SLC2A9: variants seen among roughly 807,000 people sequenced by gnomAD.
SLC2A9 encodes the protein solute carrier family 2 member 9, also known as solute carrier family 2, facilitated glucose transporter member 9.
SLC2A9 carries 39 observed loss-of-function variants against 50.6 expected under a neutral mutation model. The ratio of observed to expected loss-of-function variants is 0.77; its 90% confidence interval spans 0.60 to 1.01. The LOEUF is 1.01. Ranked by LOEUF, SLC2A9 falls within the 50% of genes least tolerant of loss-of-function variation. SLC2A9 has a pLI of 0.00. For missense variants in SLC2A9, 686 were observed against 677.6 expected (o/e 1.01, Z -0.14); for synonymous variants, 324 against 276.9 (o/e 1.17, Z -1.69).
chr4:9,889,084 A>G (rs1107710), intron 9 of SLC2A9, among the ~76,000 whole-genome samples: 37,789 of 152,172 alleles, frequency 0.25, 5,183 homozygotes, highest in Admixed American at 0.36. Context: ...ATGGTATGTG[A>G]TAAGTGATCT....
At chr4:9,873,848 C>A (rs139877742) in intron 10 of SLC2A9, among the ~76,000 whole-genome samples, 2 of 152,178 alleles carry the variant, frequency 1.3e-5, no homozygotes, top group African/African-American at 2.4e-5. Flanking sequence ...CATAGCTAAC[C>A]GATACAAATT....
chr4:9,797,217 C>T (rs1165524195), downstream of SLC2A9, among the ~76,000 whole-genome samples: 3 of 152,222 alleles, frequency 2.0e-5, no homozygotes, highest in Admixed American at 1.3e-4. Context: ...CCCAGGACAA[C>T]TTAACCTCTC....
At chr4:9,827,717 C>A (rs1242603242) in intron 11 of SLC2A9, among the ~76,000 whole-genome samples, 1 of 152,180 alleles carries the variant, frequency 6.6e-6, no homozygotes, top group East Asian at 1.9e-4. Flanking sequence ...TAAAGTGCCA[C>A]ATGCAGTAAA....
chr4:9,855,085 A>T (rs149796904), intron 10 of SLC2A9, among the ~76,000 whole-genome samples: 182 of 152,276 alleles, frequency 1.2e-3, no homozygotes, highest in Non-Finnish European at 2.0e-3. Context: ...CTCCTATTCA[A>T]CATAGTACTG....
intron 6 of SLC2A9, among the ~76,000 whole-genome samples, chr4:9,922,209 A>C (rs1744066131): frequency 6.6e-6 from 1 of 152,164 alleles, no homozygotes; most frequent in South Asian, 2.1e-4. Context: ...TCAGCAAACT[A>C]ACGCCGGAAC....
Position 9,826,483 on chromosome 4 carries a change from C to T in SLC2A9, c.1537G>A (p.Ala513Thr), listed in dbSNP as rs753536918. Reference sequence around the variant, plus strand: ...TATGCTTTGTTCCTTTTGGAAAATGCCTGGCTGATTTCTGCATAGGTTCTG... The same window carrying T: ...TATGCTTTGTTCCTTTTGGAAAATGTCTGGCTGATTTCTGCATAGGTTCTG... The part of the protein sequence containing the change: ...KNRTYAEISQ[A>T]FSKRNKAYPP... The change falls in exon 12 of 12, where the codon GCA (alanine) becomes ACA (threonine). Residue 513 changes from alanine (A) to threonine (T), a missense_variant. Physicochemically the swap from Ala to Thr is moderately conservative, Grantham distance 58. Transcript: ENST00000264784. 6.2e-7 allele frequency: 1 copy of T among 1,613,942 alleles called. No homozygotes were observed. Among genetic ancestry groups the T allele is most frequent in the Non-Finnish European group, 8.5e-7 (1 of 1,179,932 alleles).
At chr4:9,787,318 A>G (rs930432242) in intron 3 of SLC2A9, among the ~76,000 whole-genome samples, 2 of 152,206 alleles carry the variant, frequency 1.3e-5, no homozygotes, top group Non-Finnish European at 2.9e-5. Flanking sequence ...AGTGCCAAAG[A>G]ATTTGCAGAA....
At chr4:9,825,385 A>G (rs1724970912), downstream of SLC2A9, among the ~76,000 whole-genome samples, 1 of 152,184 alleles carries the variant, frequency 6.6e-6, no homozygotes, top group Non-Finnish European at 1.5e-5. Flanking sequence ...TCTTCCCTTG[A>G]GCACTTTGAG....
At chr4:9,815,719 C>G (rs536544166) in intron 3 of SLC2A9, among the ~76,000 whole-genome samples, 1 of 152,270 alleles carries the variant, frequency 6.6e-6, no homozygotes, top group African/African-American at 2.4e-5. Context: ...AGTCAGCCAT[C>G]TTGGGATTCT....
intron 10 of SLC2A9, among the ~76,000 whole-genome samples, chr4:9,871,737 A>T (rs1341791162): frequency 6.6e-6 from 1 of 152,230 alleles, no homozygotes; most frequent in East Asian, 1.9e-4. Flanking sequence ...TCAACCCATT[A>T]CAGTAGCTAA....
At chr4:9,773,861 C>T (rs1717167827) in intron 1 of SLC2A9, among the ~76,000 whole-genome samples, 1 of 152,208 alleles carries the variant, frequency 6.6e-6, no homozygotes, top group Non-Finnish European at 1.5e-5. Flanking sequence ...AGACAAGCAG[C>T]TCATGGAGCC....
chr4:10,002,681 C>T (rs188668624), intron 2 of SLC2A9, among the ~76,000 whole-genome samples: 184 of 152,204 alleles, frequency 1.2e-3, no homozygotes, highest in Non-Finnish European at 1.7e-3. Flanking sequence ...GGTGAAACCC[C>T]ATCTCTACTA....
At chr4:9,782,884 C>T (rs201697048) in intron 3 of SLC2A9, 7 of 1,613,824 alleles carry the variant, frequency 4.3e-6, no homozygotes, top group East Asian at 2.2e-5. Context: ...CCAGCCTGCG[C>T]GCTTCCATCA....
At chr4:10,024,015 T>C (rs879188943), upstream of SLC2A9, among the ~76,000 whole-genome samples, 3 of 152,320 alleles carry the variant, frequency 2.0e-5, no homozygotes, top group South Asian at 4.1e-4. Context: ...CATTCAGTCA[T>C]TACTTGCCTG....
upstream of SLC2A9, among the ~76,000 whole-genome samples, chr4:10,022,157 C>G (rs1763553969): frequency 6.6e-6 from 1 of 152,158 alleles, no homozygotes; most frequent in Admixed American, 6.5e-5. Flanking sequence ...CACTTTTTAA[C>G]TGTGTGTCCT....
intron 10 of SLC2A9, among the ~76,000 whole-genome samples, chr4:9,864,663 A>G (rs1732160526): frequency 6.6e-6 from 1 of 152,194 alleles, no homozygotes; most frequent in South Asian, 2.1e-4. Context: ...GAAGAGTACA[A>G]ATTCTGCAGC....
chr4:10,029,922 C>T (rs1434019806), intron 1 of SLC2A9, among the ~76,000 whole-genome samples: 1 of 152,122 alleles, frequency 6.6e-6, no homozygotes, highest in African/African-American at 2.4e-5. Flanking sequence ...AGGTGTGAGC[C>T]ACCATGGCTG....
At chr4:9,919,504 C>T (rs1238417160) in intron 7 of SLC2A9, among the ~76,000 whole-genome samples, 1 of 152,146 alleles carries the variant, frequency 6.6e-6, no homozygotes, top group African/African-American at 2.4e-5. Context: ...CCCTCCCTGC[C>T]CGCCTTGGGG....
intron 3 of SLC2A9, among the ~76,000 whole-genome samples, chr4:9,812,764 C>A (rs143605952): frequency 2.4e-4 from 37 of 152,326 alleles, no homozygotes; most frequent in Admixed American, 9.1e-4. Flanking sequence ...ACCACCCACA[C>A]TTCCTGCTGA....
Sources: allele counts gnomAD v4.1 joint callset (sites outside exome capture counted in the v4.1 genomes callset), GRCh38; gene constraint gnomAD v4.1.1; transcripts MANE v1.5; gene names NCBI Gene and HGNC (gene_info 2026-07-23, HGNC 2026-07-21).